Variants in ZFAT observed in about 807,000 individuals in gnomAD.
ZFAT encodes the protein zinc finger and AT-hook domain containing, also known as zinc finger protein ZFAT.
ZFAT carries 64 observed loss-of-function variants against 117.7 expected under a neutral mutation model. The ratio of observed to expected loss-of-function variants is 0.54; its 90% confidence interval spans 0.44 to 0.67. The LOEUF (loss-of-function observed/expected upper bound fraction) is 0.67, where lower values mean the gene tolerates loss of function less well. Ranked by LOEUF, ZFAT falls within the 30% of genes least tolerant of loss-of-function variation. ZFAT has a pLI of 0.00. For missense variants in ZFAT, 1,433 were observed against 1,584.5 expected (o/e 0.90, Z 1.62); for synonymous variants, 679 against 615.0 (o/e 1.10, Z -1.54).
In ZFAT at chr8:134,497,714, C is replaced by A. The variant is rs1405326984; in HGVS notation, c.3492+11905G>T. Reference sequence around the variant, plus strand: ...CCCCCGCTGCTGGTTACACACACAGCCTGATTTGGTAGGGTTGGGGTGGAG... The same window carrying A: ...CCCCCGCTGCTGGTTACACACACAGACTGATTTGGTAGGGTTGGGGTGGAG... On this transcript the variant is annotated intron_variant, in intron 15 of 15. Coordinates refer to ENST00000377838, the MANE Select transcript of ZFAT (RefSeq NM_020863.4). Among the ~76,000 whole-genome samples, 2 of 77,992 alleles carry A rather than the reference C, an allele frequency of 2.6e-5. 1 individual carries two copies. The highest frequency in any genetic ancestry group is 5.2e-5 in the Non-Finnish European group (2 of 38,282). 51.2% of individuals were successfully genotyped at this position (77,992 alleles called of 152,430 possible).
intron 11 of ZFAT, among the ~76,000 whole-genome samples, chr8:134,559,318 C>G (rs1169897372): frequency 2.0e-5 from 3 of 152,084 alleles, no homozygotes; most frequent in Admixed American, 2.0e-4. Context: ...ATGGTTTTGC[C>G]CTTTTTTAAT....
rs143361941 is a variant in ZFAT, at chr8:134,606,332, T to A, written c.785+2397A>T. Among the ~76,000 whole-genome samples, 569 of 152,328 alleles carry A rather than the reference T, an allele frequency of 3.7e-3. 4 individuals are homozygous for A. Among genetic ancestry groups the A allele is most frequent in the African/African-American group, 0.013 (547 of 41,574 alleles). On this transcript the variant is annotated intron_variant, in intron 5 of 15. Coordinates refer to ENST00000377838, the MANE Select transcript of ZFAT (RefSeq NM_020863.4). ...CAAGAGTTGAGTTGATAACACTATA[T>A]CCTCATGAAGTTATGCCTTGTTGCT...
intron 15 of ZFAT, among the ~76,000 whole-genome samples, chr8:134,499,694 ACT>A (rs1818818066): frequency 6.6e-6 from 1 of 152,086 alleles, no homozygotes; most frequent in African/African-American, 2.4e-5. Flanking sequence ...GGAGCCAGCG[ACT>A]CTGCATTTCT....
chr8:134,576,529 A>C (rs1825310251), intron 10 of ZFAT, among the ~76,000 whole-genome samples: 1 of 152,222 alleles, frequency 6.6e-6, no homozygotes, highest in Non-Finnish European at 1.5e-5. Flanking sequence ...GTCTCACTGA[A>C]GTCTCGCAAG....
chr8:134,578,129 G>A (rs1423020884), intron 10 of ZFAT, among the ~76,000 whole-genome samples: 1 of 152,142 alleles, frequency 6.6e-6, no homozygotes, highest in Non-Finnish European at 1.5e-5. Flanking sequence ...CAAGAATGAA[G>A]ATAGGCTGGG....
intron 2 of ZFAT, among the ~76,000 whole-genome samples, chr8:134,646,801 G>A (rs536140945): frequency 1.3e-5 from 2 of 152,162 alleles, no homozygotes; most frequent in East Asian, 3.9e-4. Flanking sequence ...TAACCTAGAA[G>A]AAACTGATAA....
intron 2 of ZFAT, among the ~76,000 whole-genome samples, chr8:134,641,091 G>T (rs1830554517): frequency 6.6e-6 from 1 of 151,844 alleles, no homozygotes; most frequent in African/African-American, 2.4e-5. Flanking sequence ...CTCCTGCTCT[G>T]GGCTTTCTCT....
the ZFAT span, among the ~76,000 whole-genome samples, chr8:134,803,296 C>T: frequency 6.6e-6 from 1 of 152,146 alleles, no homozygotes; most frequent in Non-Finnish European, 1.5e-5. Context: ...TAAACAGTGT[C>T]ACCTGGTCAA....
intron 3 of ZFAT, among the ~76,000 whole-genome samples, chr8:134,627,684 T>C (rs1247191367): frequency 3.9e-5 from 6 of 152,206 alleles, no homozygotes; most frequent in African/African-American, 1.2e-4. Context: ...TTAGATATTG[T>C]ACAGTTCTTG....
rs772396760 is a variant in ZFAT at position 134,637,758 on chromosome 8, G to C, written c.197-46C>G. ...CACAATGGAATCACGTGAGACGGCAGTGCAGGGTTCACAATCACCCTCCAA... is the reference window on the plus strand; with the variant it reads ...CACAATGGAATCACGTGAGACGGCACTGCAGGGTTCACAATCACCCTCCAA... On this transcript the variant is annotated intron_variant, in intron 2 of 15. Coordinates refer to ENST00000377838, the MANE Select transcript of ZFAT (RefSeq NM_020863.4). 9.4e-6 allele frequency: 15 copies of C among 1,587,988 alleles called. No individual in the cohort carries two copies. In the African/African-American group the frequency reaches 1.5e-4, roughly 16 times the overall value.
the ZFAT span, among the ~76,000 whole-genome samples, chr8:134,802,530 A>G: frequency 6.6e-6 from 1 of 152,224 alleles, no homozygotes; most frequent in Non-Finnish European, 1.5e-5. Context: ...GACTATTTCT[A>G]ACCAAGAATA....
At chr8:134,791,009 A>G in the ZFAT span, among the ~76,000 whole-genome samples, 8 of 151,988 alleles carry the variant, frequency 5.3e-5, no homozygotes, top group Non-Finnish European at 1.2e-4. Context: ...CCAAAAATAT[A>G]TAATTTCTTC....
At chr8:134,600,808 A>G (rs1827369882) in intron 6 of ZFAT, 140 bp from the exon 7 acceptor site, 1 of 694,754 alleles carries the variant, frequency 1.4e-6, no homozygotes, top group South Asian at 2.4e-5. Flanking sequence ...TTTTCACCAC[A>G]TTTCTGTCTG....
chr8:134,770,004 G>A, the ZFAT span, among the ~76,000 whole-genome samples: 4 of 152,214 alleles, frequency 2.6e-5, no homozygotes, highest in African/African-American at 9.6e-5. Context: ...CAGGTACCCT[G>A]GGTCTGGCCC....
chr8:134,546,387 T>C (rs1265595275), intron 11 of ZFAT, among the ~76,000 whole-genome samples: 2 of 152,136 alleles, frequency 1.3e-5, no homozygotes, highest in East Asian at 1.9e-4. Flanking sequence ...GAAGATGAAG[T>C]TTTTTTCATT....
chr8:134,491,875 T>C (rs901492002), intron 15 of ZFAT, among the ~76,000 whole-genome samples: 2 of 152,220 alleles, frequency 1.3e-5, no homozygotes, highest in Non-Finnish European at 2.9e-5. Flanking sequence ...TGGACATCTC[T>C]GGGGCACCAC....
chr8:134,784,712 T>C, the ZFAT span: 1 of 152,202 alleles, frequency 6.6e-6, no homozygotes. Flanking sequence ...CTGTAACCTC[T>C]GTGTGAATAT....
intron 10 of ZFAT, chr8:134,565,803 A>G (rs1373649773): frequency 3.3e-6 from 1 of 304,314 alleles, no homozygotes; most frequent in Non-Finnish European, 6.3e-6. Context: ...AGGAAAGCGG[A>G]GCAGCTGCAT....
the ZFAT span, among the ~76,000 whole-genome samples, chr8:134,748,813 T>C: frequency 2.0e-5 from 3 of 152,214 alleles, no homozygotes; most frequent in Non-Finnish European, 4.4e-5. Context: ...CTGATTAACA[T>C]TGAGGTTGAG....
Sources: allele counts gnomAD v4.1 joint callset (sites outside exome capture counted in the v4.1 genomes callset), GRCh38; gene constraint gnomAD v4.1.1; transcripts MANE v1.5; gene names NCBI Gene and HGNC (gene_info 2026-07-23, HGNC 2026-07-21).